Variants in INTS1 observed in about 807,000 individuals in gnomAD.
INTS1 encodes the protein integrator complex subunit 1.
Under a neutral mutation model 241.6 loss-of-function variants are expected in INTS1, and 137 were observed. The observed-to-expected ratio is 0.57, with a 90% CI of 0.49 to 0.65. INTS1 has a LOEUF of 0.65. INTS1 is among the 30% of genes least tolerant of loss of function. INTS1 has a pLI of 0.00. For missense variants in INTS1, 3,073 were observed against 3,032.2 expected (o/e 1.01, Z -0.32); for synonymous variants, 1,692 against 1,337.8 (o/e 1.26, Z -5.78).
intron 29 of INTS1, 139 bp from the exon 30 acceptor site, chr7:1,480,580 C>A: frequency 3.1e-6 from 3 of 974,006 alleles, no homozygotes; most frequent in Non-Finnish European, 3.0e-6. Flanking sequence ...CTGTGTTCCC[C>A]AAGGACCCCA....
rs757306321 is a variant in INTS1 at position 1,478,396 on chromosome 7, A to G, written c.4600T>C (p.Cys1534Arg). 3.1e-6 allele frequency: 5 copies of G among 1,612,716 alleles called. No individual in the cohort carries two copies. The highest frequency in any genetic ancestry group is 3.3e-4 in the Middle Eastern group (2 of 6,058). The change falls in exon 33 of 48, where the codon TGC (cysteine) becomes CGC (arginine). Residue 1534 changes from cysteine (C) to arginine (R), a missense_variant. By Grantham distance (180) the Cys-to-Arg change is radical. Coordinates refer to ENST00000404767, the MANE Select transcript of INTS1 (RefSeq NM_001080453.3). ...VIATLRSGEQ[C>R]SVEPDLISKV... is the part of the protein sequence containing the mutation. Reference sequence around the variant, plus strand: ...CTGATCAGGTCCGGCTCCACGCTGCACTGCTCCCCAGACCTCAGGGTGGCG... The same window carrying G: ...CTGATCAGGTCCGGCTCCACGCTGCGCTGCTCCCCAGACCTCAGGGTGGCG...
rs372744001 is a variant in INTS1 at position 1,471,243 on chromosome 7, G to A, written c.6256-19C>T. On this transcript the variant is annotated intron_variant, in intron 45 of 47. Transcript: ENST00000404767. ...GGTTGGTCTGACCGGGGGAAAGGTG[G>A]GAGGTGTGTGACCAAGGGGTCCAGC... 7.0e-6 allele frequency: 11 copies of A among 1,561,368 alleles called. No individual in the cohort carries two copies. The African/African-American group carries it at 9.5e-5, about 14-fold the overall frequency.
intron 11 of INTS1, 66 bp from the exon 12 acceptor site, chr7:1,496,330 GGGCGC>G (rs2128542932): frequency 1.6e-6 from 1 of 632,420 alleles, no homozygotes; most frequent in East Asian, 2.8e-5. Flanking sequence ...ACACCCACGT[GGGCGC>G]GGCACGGGGT....
rs1583146343 is a variant in INTS1 at position 1,493,683 on chromosome 7, C to T, written c.2068+71G>A. 2 of 1,490,888 alleles carry T rather than the reference C, an allele frequency of 1.3e-6. No individual in the cohort carries two copies. Among genetic ancestry groups the T allele is most frequent in the East Asian group, 2.5e-5 (1 of 40,212 alleles). 92.4% of individuals were successfully genotyped at this position (1,490,888 alleles called of 1,614,324 possible). Reference sequence around the variant, plus strand: ...TGTGGAGCGCCCCAGAGGTGCGTGCCAGAGCCGGGGTTTCTGCAGGGACGA... The same window carrying T: ...TGTGGAGCGCCCCAGAGGTGCGTGCTAGAGCCGGGGTTTCTGCAGGGACGA... On this transcript the variant is annotated intron_variant, in intron 15 of 47. Coordinates refer to ENST00000404767, the MANE Select transcript of INTS1 (RefSeq NM_001080453.3). The surrounding 1 kb of genome is among the most constrained non-coding windows in gnomAD (Gnocchi z 5.3).
intron 22 of INTS1, among the ~76,000 whole-genome samples, chr7:1,485,779 C>T (rs1468563176): frequency 6.6e-6 from 1 of 152,144 alleles, no homozygotes; most frequent in Non-Finnish European, 1.5e-5. Context: ...ACTTAAAATA[C>T]AGTCAGAGTG....
chr7:1,478,657 G>A (rs1436060908), intron 32 of INTS1, 69 bp downstream of exon 32: 1 of 1,491,714 alleles, frequency 6.7e-7, no homozygotes, highest in Non-Finnish European at 9.0e-7. Context: ...GTGCCAGGCA[G>A]CTTGGCCACT....
intron 16 of INTS1, among the ~76,000 whole-genome samples, chr7:1,491,196 C>CACA (rs926740121): frequency 2.6e-5 from 4 of 152,218 alleles, no homozygotes; most frequent in Non-Finnish European, 5.9e-5. Flanking sequence ...TCAAAGCACA[C>CACA]ACAGCAGCAG....
chr7:1,478,944 C>T, intron 31 of INTS1, 59 bp from the exon 32 acceptor site: 1 of 1,535,660 alleles, frequency 6.5e-7, no homozygotes, highest in Non-Finnish European at 8.8e-7. Context: ...GACCCGGCAC[C>T]CGAGGCCCAG....
In INTS1 at chr7:1,470,377, C is replaced by T. The variant is rs2128530695; in HGVS notation, c.*200G>A. 2 of 515,874 alleles carry T rather than the reference C, an allele frequency of 3.9e-6. No individual in the cohort carries two copies. The highest frequency in any genetic ancestry group is 3.3e-5 in the East Asian group (1 of 30,176). The allele number at this position is 515,874 out of a possible 1,614,324, so 32.0% of individuals were successfully genotyped here. On this transcript the variant is annotated 3_prime_UTR_variant, in exon 48 of 48. Coordinates refer to ENST00000404767, the MANE Select transcript of INTS1 (RefSeq NM_001080453.3). Reference sequence around the variant, plus strand: ...GGCCCAGAAGGTGAATGAGGGCTTGCTGGACGGCCCCTGATGCCAGCGGCC... The same window carrying T: ...GGCCCAGAAGGTGAATGAGGGCTTGTTGGACGGCCCCTGATGCCAGCGGCC...
In INTS1 at chr7:1,503,937, C is replaced by T. The variant is rs1476454439; in HGVS notation, c.24G>A (p.Thr8=). The T allele has an allele frequency of 6.4e-7, 1 of 1,570,432 alleles. No individual in the cohort carries two copies. The highest frequency in any genetic ancestry group is 1.2e-5 in the South Asian group (1 of 85,782). The change falls in exon 2 of 48, where the codon ACG becomes ACA. Residue 8 remains threonine (T), a synonymous_variant. Coordinates refer to ENST00000404767, the MANE Select transcript of INTS1 (RefSeq NM_001080453.3). ...TGGCCGCGGCGCTGGGCCGGCGCAC[C>T]GTGGTGGGCTTGGCCCGGTTCATCC... MNRAKPT[T]VRRPSAAAKP...
chr7:1,478,631 C>T, intron 32 of INTS1, 95 bp downstream of exon 32: 1 of 1,487,054 alleles, frequency 6.7e-7, no homozygotes. Flanking sequence ...CCCCAAGCCA[C>T]TGCCCAGGCC....
chr7:1,478,080 G>A (rs1584264763), intron 33 of INTS1, 144 bp from the exon 34 acceptor site: 4 of 757,618 alleles, frequency 5.3e-6, no homozygotes, highest in South Asian at 5.1e-5. Flanking sequence ...AGAGGAGAGT[G>A]CAGCCGGGGC....
Position 1,503,953 on chromosome 7 carries a change from C to G in INTS1, c.8G>C (p.Arg3Pro), listed in dbSNP as rs1783333735. MN[R>P]AKPTTVRRPS... ...CCGGCGCACCGTGGTGGGCTTGGCC[C>G]GGTTCATCCTGCCCCGTCCCTCGCG... Residue 3 changes from arginine (R) to proline (P), a missense_variant, in exon 2 of 48, where the codon CGG (arginine) becomes CCG (proline). By Grantham distance (103) the Arg-to-Pro change is moderately radical. Transcript: ENST00000404767. The G allele has an allele frequency of 1.3e-6, 2 of 1,565,452 alleles. No homozygotes were observed. The highest frequency in any genetic ancestry group is 2.3e-5 in the South Asian group (2 of 85,296).
intron 26 of INTS1, chr7:1,483,271 C>A: frequency 4.2e-6 from 1 of 237,736 alleles, no homozygotes; most frequent in Admixed American, 5.0e-5. Flanking sequence ...AGGCTGCGGC[C>A]GCAGAGGGCA....
intron 3 of INTS1, chr7:1,500,794 T>G: frequency 6.0e-6 from 1 of 167,060 alleles, no homozygotes; most frequent in Non-Finnish European, 1.3e-5. Flanking sequence ...CTTCCCACTT[T>G]TCCTCCCTCT....
At chr7:1,492,643 C>T (rs894726550) in intron 16 of INTS1, among the ~76,000 whole-genome samples, 1 of 152,128 alleles carries the variant, frequency 6.6e-6, no homozygotes, top group African/African-American at 2.4e-5. Context: ...AAAAATAACG[C>T]ACACACGTTA....
In INTS1 at chr7:1,473,082, T is replaced by C; in HGVS notation, c.6060A>G (p.Glu2020=). Residue 2020 remains glutamate (E), a synonymous_variant, in exon 43 of 48, where the codon GAA becomes GAG. Transcript: ENST00000404767. ...RDDRTDRGLD[E]EGEEESSAGS... is the part of the protein sequence containing the mutation. ...GGCAGCCCCACTCACCCTCGCCCTC[T>C]TCGTCCAGGCCTCGGTCGGTCCTGT... is the stretch of plus-strand genomic sequence containing the variant. 1 of 1,604,532 alleles carries C rather than the reference T, an allele frequency of 6.2e-7. No individual in the cohort carries two copies. The highest frequency in any genetic ancestry group is 8.5e-7 in the Non-Finnish European group (1 of 1,174,310).
At chr7:1,478,305 G>A in intron 33 of INTS1, 61 bp downstream of exon 33, 4 of 1,576,082 alleles carry the variant, frequency 2.5e-6, no homozygotes, top group South Asian at 1.1e-5. Context: ...GCTAGAAGGA[G>A]CCTCAGGTTT....
chr7:1,482,372 G>A (rs1276496070), intron 27 of INTS1, 174 bp downstream of exon 27: 2 of 555,122 alleles, frequency 3.6e-6, no homozygotes, highest in Non-Finnish European at 6.0e-6. Context: ...TCTCCTCCCA[G>A]GGTCCAGCAC....
Sources: allele counts gnomAD v4.1 joint callset (sites outside exome capture counted in the v4.1 genomes callset), GRCh38; gene constraint gnomAD v4.1.1; non-coding constraint Gnocchi (gnomAD v3.1); transcripts MANE v1.5; gene names NCBI Gene and HGNC (gene_info 2026-07-23, HGNC 2026-07-21).